The following CPEB1 variants were observed in gnomAD, a reference collection of about 807,000 sequenced individuals.
CPEB1 encodes the protein cytoplasmic polyadenylation element-binding protein 1.
A neutral mutation model predicts 65.8 loss-of-function variants in CPEB1; 7 were observed. The observed-to-expected ratio is 0.11, with a 90% CI of 0.06 to 0.20. The LOEUF (loss-of-function observed/expected upper bound fraction) is 0.20, where lower values mean the gene tolerates loss of function less well. Ranked by LOEUF, CPEB1 falls within the 10% of genes least tolerant of loss-of-function variation. The pLI, the probability that CPEB1 is intolerant of heterozygous loss-of-function variation, is 1.00. For synonymous variants in CPEB1, 262 were observed against 260.0 expected, an observed-to-expected ratio of 1.01 and a Z score of -0.08; for missense variants, 551 against 712.2, an observed-to-expected ratio of 0.77 and a Z score of 2.58.
At chr15:82,585,843 T>A (rs967988491) in intron 3 of CPEB1, among the ~76,000 whole-genome samples, 1 of 152,188 alleles carries the variant, frequency 6.6e-6, no homozygotes, top group Non-Finnish European at 1.5e-5. Flanking sequence ...TTGTGAACAC[T>A]GTTACCAACA....
At chr15:82,648,029 C>CG, upstream of CPEB1, 1 of 487,154 alleles carries the variant, frequency 2.1e-6, no homozygotes, top group Non-Finnish European at 3.2e-6. Flanking sequence ...AGCCGCCCCC[C>CG]GGCCGGATGC....
intron 5 of CPEB1, 79 bp downstream of exon 5, chr15:82,557,681 A>C: frequency 4.1e-6 from 5 of 1,207,010 alleles, no homozygotes; most frequent in Non-Finnish European, 4.8e-6. Context: ...GGCATCCCAT[A>C]GATATTGTAC....
chr15:82,560,612 C>T (rs1365462572), intron 4 of CPEB1, among the ~76,000 whole-genome samples: 1 of 151,492 alleles, frequency 6.6e-6, no homozygotes, highest in Non-Finnish European at 1.5e-5. Context: ...AGGCTGGTCT[C>T]GAACTCCTGA....
chr15:82,632,468 T>C (rs1337868454), intron 1 of CPEB1, among the ~76,000 whole-genome samples: 1 of 152,096 alleles, frequency 6.6e-6, no homozygotes, highest in African/African-American at 2.4e-5. Flanking sequence ...TTTTGGAGCA[T>C]TTCAGATTAG....
chr15:82,565,935 GA>G (rs1453384282), intron 4 of CPEB1, among the ~76,000 whole-genome samples: 11 of 152,266 alleles, frequency 7.2e-5, no homozygotes, highest in African/African-American at 2.7e-4. Context: ...ATCTCTCAGG[GA>G]AGTCATGGGG....
intron 9 of CPEB1, among the ~76,000 whole-genome samples, chr15:82,552,225 G>A (rs1596001539): frequency 6.6e-6 from 1 of 151,830 alleles, no homozygotes; most frequent in African/African-American, 2.4e-5. Flanking sequence ...AATAAAGACG[G>A]GCAGACAGTT....
intron 3 of CPEB1, among the ~76,000 whole-genome samples, chr15:82,591,410 G>A (rs1234906211): frequency 3.3e-5 from 5 of 152,120 alleles, no homozygotes; most frequent in South Asian, 4.1e-4. Flanking sequence ...TACTACGGGC[G>A]CCTGCCACCA....
At chr15:82,645,317 T>C (rs2047413695) in intron 1 of CPEB1, among the ~76,000 whole-genome samples, 1 of 152,080 alleles carries the variant, frequency 6.6e-6, no homozygotes, top group Non-Finnish European at 1.5e-5. Context: ...CATGCCCGGC[T>C]AATTTTTGTA....
Position 82,584,903 on chromosome 15 carries a change from C to CTTTTTTTTTTTTTTTTTTTTTTTT in CPEB1, c.272-13372_272-13371insAAAAAAAAAAAAAAAAAAAAAAAA, listed in dbSNP as rs3080692. Among the ~76,000 whole-genome samples the CTTTTTTTTTTTTTTTTTTTTTTTT allele has an allele frequency of 1.8e-4, 15 of 81,738 alleles. 2 individuals carry two copies. The highest frequency in any genetic ancestry group is 3.4e-4 in the Admixed American group (2 of 5,804). The allele number at this position is 81,738 out of a possible 152,430, so 53.6% of individuals were successfully genotyped here. A position where few individuals can be genotyped will look rare whatever the true frequency, so the allele number is the denominator to read the frequency against. Reference sequence around the variant, plus strand: ...GACATAATTTTTTTTTCCTAATTTGCTTTTTTTTTTTTTTTTTTTACAGTG... The same window carrying CTTTTTTTTTTTTTTTTTTTTTTTT: ...GACATAATTTTTTTTTCCTAATTTGCTTTTTTTTTTTTTTTTTTTTTTTTTTTTTTTTTTTTTTTTTTTACAGTG... On this transcript the variant is annotated intron_variant, in intron 3 of 12. Transcript: ENST00000684509.
intron 3 of CPEB1, among the ~76,000 whole-genome samples, chr15:82,590,479 C>A (rs1176915592): frequency 2.0e-5 from 3 of 152,108 alleles, no homozygotes; most frequent in Admixed American, 2.0e-4. Context: ...TGGCTATAGA[C>A]AGAAACCTGT....
At chr15:82,563,535 T>G (rs1755349979) in intron 4 of CPEB1, among the ~76,000 whole-genome samples, 1 of 148,208 alleles carries the variant, frequency 6.7e-6, no homozygotes, top group Admixed American at 6.8e-5. Flanking sequence ...AGAGGCAGGA[T>G]CTCACTCTGT....
intron 3 of CPEB1, chr15:82,573,139 A>G: frequency 6.5e-7 from 1 of 1,535,452 alleles, no homozygotes; most frequent in Non-Finnish European, 8.7e-7. Flanking sequence ...GCTGCCACAG[A>G]AATAGCTGTT....
chr15:82,558,628 T>C (rs2037644123), intron 4 of CPEB1, among the ~76,000 whole-genome samples: 1 of 152,204 alleles, frequency 6.6e-6, no homozygotes, highest in African/African-American at 2.4e-5. Flanking sequence ...CTGACACCTC[T>C]TGTATATGTC....
At chr15:82,642,666 A>G (rs587664214) in intron 1 of CPEB1, among the ~76,000 whole-genome samples, 22 of 152,342 alleles carry the variant, frequency 1.4e-4, no homozygotes, top group African/African-American at 5.1e-4. Context: ...CCCCTCTACC[A>G]TAACTTCTAG....
chr15:82,623,930 T>C (rs1233427851), intron 3 of CPEB1, among the ~76,000 whole-genome samples: 1 of 152,218 alleles, frequency 6.6e-6, no homozygotes, highest in Non-Finnish European at 1.5e-5. Context: ...ATCATTTACT[T>C]AACATTCTGT....
chr15:82,586,977 T>G (rs184904108), intron 3 of CPEB1, among the ~76,000 whole-genome samples: 1 of 152,156 alleles, frequency 6.6e-6, no homozygotes, highest in African/African-American at 2.4e-5. Context: ...AGAGAAGGAA[T>G]TGCAATTGTC....
intron 3 of CPEB1, among the ~76,000 whole-genome samples, chr15:82,575,264 T>C (rs1230967156): frequency 1.3e-5 from 2 of 152,118 alleles, no homozygotes; most frequent in African/African-American, 4.8e-5. Flanking sequence ...TGGAACACCA[T>C]ATGGGGAGGA....
chr15:82,573,990 T>G (rs2040374085), intron 3 of CPEB1, among the ~76,000 whole-genome samples: 1 of 152,020 alleles, frequency 6.6e-6, no homozygotes, highest in Non-Finnish European at 1.5e-5. Context: ...AGTACTGATG[T>G]GTACAACTAA....
chr15:82,582,170 T>C (rs966007216), intron 3 of CPEB1, among the ~76,000 whole-genome samples: 1 of 152,194 alleles, frequency 6.6e-6, no homozygotes, highest in African/African-American at 2.4e-5. Context: ...TCCCTAGCTT[T>C]CCAGTGATTC....
Sources: gnomAD v4.1 joint callset for allele counts (sites outside exome capture counted in the v4.1 genomes callset) on GRCh38, gnomAD v4.1.1 for gene constraint, MANE v1.5 for transcripts, NCBI Gene and HGNC (gene_info 2026-07-23, HGNC 2026-07-21) for gene names.